The following SEZ6L variants were observed in gnomAD, a reference collection of about 807,000 sequenced individuals.
SEZ6L encodes seizure related 6 homolog like.
In SEZ6L, 37 loss-of-function variants were observed where a neutral mutation model predicts 106.2. The ratio of observed to expected loss-of-function variants is 0.35; its 90% CI spans 0.27 to 0.46. The LOEUF (loss-of-function observed/expected upper bound fraction) is 0.46. Ranked by LOEUF, SEZ6L falls within the 20% of genes least tolerant of loss-of-function variation. The pLI is 1.00. For missense variants in SEZ6L, 1,172 were observed against 1,332.8 expected, an observed-to-expected ratio of 0.88 and a Z score of 1.88; for synonymous variants, 541 against 570.4, an observed-to-expected ratio of 0.95 and a Z score of 0.73.
Position 26,293,029 on chromosome 22 carries a change from A to C in SEZ6L, c.718A>C (p.Met240Leu), listed in dbSNP as rs1318505335. 2 of 1,614,128 alleles carry C rather than the reference A, an allele frequency of 1.2e-6. No homozygotes were observed. The highest frequency in any genetic ancestry group is 1.7e-6 in the Non-Finnish European group (2 of 1,180,012). The change falls in exon 2 of 17, where the codon ATG (methionine) becomes CTG (leucine). Residue 240 changes from methionine to leucine, a missense_variant. By Grantham distance (15) the Met-to-Leu change is conservative (BLOSUM62 2). Coordinates refer to ENST00000248933, the MANE Select transcript of SEZ6L (RefSeq NM_021115.5). ...QEAPQEDTSP[M>L]ALMDKGENEL... The stretch of plus-strand genomic sequence containing the variant: ...GGCCCCCCAGGAGGACACCAGCCCC[A>C]TGGCCCTGATGGACAAAGGTGAGAA...
intron 1 of SEZ6L, among the ~76,000 whole-genome samples, chr22:26,232,124 G>GA (rs534265744): frequency 1.4e-3 from 207 of 152,188 alleles, no homozygotes; most frequent in African/African-American, 4.7e-3. Flanking sequence ...TAGGTGAGGA[G>GA]AAAAAAGTGA....
rs2145944250 is a variant in SEZ6L at position 26,321,329 on chromosome 22, T to G, written c.2015+7427T>G. On this transcript the variant is annotated intron_variant, in intron 9 of 16. Coordinates refer to ENST00000248933, the MANE Select transcript of SEZ6L (RefSeq NM_021115.5). The stretch of plus-strand genomic sequence containing the variant: ...CCATGTCTCCAGGACCCTGTGTGTC[T>G]GGAGTTCAAGGGTGCGTCCATGAAG... 1.3e-5 allele frequency among the ~76,000 whole-genome samples: 2 copies of G among 152,322 alleles called. 1 individual carries two copies. The highest frequency in any genetic ancestry group is 4.1e-4 in the South Asian group (2 of 4,826).
At chr22:26,239,482 T>C (rs557917198) in intron 1 of SEZ6L, among the ~76,000 whole-genome samples, 1 of 152,324 alleles carries the variant, frequency 6.6e-6, no homozygotes, top group East Asian at 1.9e-4. Context: ...GTGGGAATCT[T>C]CATTTTGTAT....
intron 1 of SEZ6L, among the ~76,000 whole-genome samples, chr22:26,234,302 G>A (rs1263713689): frequency 6.6e-6 from 1 of 152,148 alleles, no homozygotes; most frequent in Non-Finnish European, 1.5e-5. Flanking sequence ...CGCTCTCTTG[G>A]CTCCAGCTAG....
At chr22:26,174,256 G>A (rs143095425) in intron 1 of SEZ6L, among the ~76,000 whole-genome samples, 1,590 of 152,174 alleles carry the variant, frequency 0.01, 24 homozygotes, top group South Asian at 0.082. Flanking sequence ...GCCCTGAAGG[G>A]GATAGGACAG....
chr22:26,268,822 G>A (rs1295696604), intron 1 of SEZ6L, among the ~76,000 whole-genome samples: 5 of 152,140 alleles, frequency 3.3e-5, no homozygotes, highest in Admixed American at 6.5e-5. Flanking sequence ...CCAAATTACC[G>A]TCAGTTGAGA....
chr22:26,305,882 A>C, intron 5 of SEZ6L, 97 bp from the exon 6 acceptor site: 57 of 1,171,378 alleles, frequency 4.9e-5, no homozygotes, highest in Non-Finnish European at 6.3e-5. Context: ...TGAAACACTC[A>C]CTTCCTTCTC....
chr22:26,294,211 G>A lies in SEZ6L; in HGVS notation c.836-81G>A, dbSNP rs545431954. The A allele has an allele frequency of 2.7e-5, 39 of 1,428,496 alleles. No homozygotes were observed. The African/African-American group carries it at 5.2e-4, about 19-fold the overall frequency. 88.5% of individuals were successfully genotyped at this position (1,428,496 alleles called of 1,614,324 possible). ...ACAGCAAAATGCAGGTTCCCCTAAA[G>A]CCCCCATTCCACCCCACAGCCCATG... On this transcript the variant is annotated intron_variant, in intron 2 of 16. Transcript: ENST00000248933.
chr22:26,325,316 G>A (rs939043781), intron 9 of SEZ6L, among the ~76,000 whole-genome samples: 3 of 152,178 alleles, frequency 2.0e-5, no homozygotes, highest in Non-Finnish European at 2.9e-5. Context: ...TAGAAGAGTG[G>A]AGATTAGAAC....
At chr22:26,235,612 C>T (rs2078933491) in intron 1 of SEZ6L, among the ~76,000 whole-genome samples, 2 of 152,006 alleles carry the variant, frequency 1.3e-5, no homozygotes, top group African/African-American at 4.8e-5. Flanking sequence ...GATAAATAGA[C>T]ATTAGCCAGG....
In SEZ6L at chr22:26,188,150, C is replaced by T. The variant is rs372107074; in HGVS notation, c.94+18387C>T. Among the ~76,000 whole-genome samples the T allele has an allele frequency of 5.9e-5, 9 of 152,268 alleles. No individual in the cohort carries two copies. The East Asian group carries it at 1.3e-3, about 23-fold the overall frequency. ...AATCTCATATGATTTCCACATGTAC[C>T]CTCTTCCAGGGAGCCTTCCCTGCCT... On this transcript the variant is annotated intron_variant, in intron 1 of 16. Transcript: ENST00000248933.
At chr22:26,273,702 G>A (rs1274097664) in intron 1 of SEZ6L, among the ~76,000 whole-genome samples, 3 of 152,212 alleles carry the variant, frequency 2.0e-5, no homozygotes, top group African/African-American at 7.2e-5. Flanking sequence ...GAGATGATGT[G>A]TTATGCATCC....
At chr22:26,314,044 T>C (rs368201888) in intron 9 of SEZ6L, 142 bp downstream of exon 9, 6 of 694,408 alleles carry the variant, frequency 8.6e-6, no homozygotes, top group African/African-American at 7.2e-5. Context: ...GGCATTCCCA[T>C]AGTGAGACCA....
chr22:26,292,499 AAG>A lies in SEZ6L; in HGVS notation c.195_196del (p.Arg65SerfsTer162). ...GGCAGTCCTGGCAAAGAGCACCCTG[AAG>A]AGAGAGTGGTAACAGCGCCCCCCAG... On this transcript the variant is annotated frameshift_variant, in exon 2 of 17. Coordinates refer to ENST00000248933, the MANE Select transcript of SEZ6L (RefSeq NM_021115.5). LOFTEE classifies it high-confidence loss of function. 1 of 1,613,952 alleles carries A rather than the reference AAG, an allele frequency of 6.2e-7. No individual in the cohort carries two copies. Among genetic ancestry groups the A allele is most frequent in the Non-Finnish European group, 8.5e-7 (1 of 1,179,942 alleles).
chr22:26,293,185 C>A (rs941972256), intron 2 of SEZ6L, 39 bp downstream of exon 2: 3 of 1,468,472 alleles, frequency 2.0e-6, no homozygotes, highest in Non-Finnish European at 1.8e-6. Context: ...CCTGAAACAG[C>A]CATGAGGCAC....
chr22:26,302,906 G>T (rs1388238034), intron 5 of SEZ6L, among the ~76,000 whole-genome samples: 1 of 152,200 alleles, frequency 6.6e-6, no homozygotes, highest in African/African-American at 2.4e-5. Flanking sequence ...CCCCACCAGG[G>T]ACAGTGTCCT....
Position 26,381,144 on chromosome 22 carries a change from C to T in SEZ6L, c.*849C>T, listed in dbSNP as rs948163169. The T allele has an allele frequency of 6.6e-6, 1 of 152,054 alleles. No homozygotes were observed. Among genetic ancestry groups the T allele is most frequent in the Non-Finnish European group, 1.5e-5 (1 of 68,008 alleles). 9.4% of individuals were successfully genotyped at this position (152,054 alleles called of 1,614,324 possible). On this transcript the variant is annotated 3_prime_UTR_variant, in exon 17 of 17. Transcript: ENST00000248933. Reference sequence around the variant, plus strand: ...TGCCAGAATCGATCACCATGTTCAGCAAGCCACTCTCAAGCTGTGGTAATA... The same window carrying T: ...TGCCAGAATCGATCACCATGTTCAGTAAGCCACTCTCAAGCTGTGGTAATA...
At chr22:26,199,124 A>G (rs1940767280) in intron 1 of SEZ6L, among the ~76,000 whole-genome samples, 1 of 152,256 alleles carries the variant, frequency 6.6e-6, no homozygotes, top group Non-Finnish European at 1.5e-5. Context: ...ATTGAGGCCT[A>G]AAGAATGGAA....
At chr22:26,347,073 G>C (rs1401533223) in intron 10 of SEZ6L, among the ~76,000 whole-genome samples, 1 of 151,768 alleles carries the variant, frequency 6.6e-6, no homozygotes, top group African/African-American at 2.4e-5. Flanking sequence ...GTACATGACT[G>C]TGGTCCCAGC....
Sources: allele counts gnomAD v4.1 joint callset (sites outside exome capture counted in the v4.1 genomes callset), GRCh38; gene constraint gnomAD v4.1.1; transcripts MANE v1.5; gene names NCBI Gene and HGNC (gene_info 2026-07-23, HGNC 2026-07-21).